The following CD22 variants were observed in gnomAD, a reference collection of about 807,000 sequenced individuals.
CD22 encodes B-cell receptor CD22.
CD22 carries 51 observed loss-of-function variants against 94.7 expected under a neutral mutation model. That is an observed-to-expected ratio of 0.54 (90% CI 0.43 to 0.68). CD22 has a LOEUF of 0.68. CD22 is among the 30% of genes least tolerant of loss of function. The probability of loss-of-function intolerance (pLI) is 0.00; values close to 1 mark genes in which losing one functional copy is unlikely to be tolerated. For synonymous variants in CD22, 424 were observed against 422.5 expected (o/e 1.00, Z -0.04); for missense variants, 931 against 1,060.4 (o/e 0.88, Z 1.69).
intron 6 of CD22, 49 bp from the exon 7 acceptor site, chr19:35,340,832 A>G (rs1599684840): frequency 6.2e-7 from 1 of 1,609,804 alleles, no homozygotes; most frequent in Non-Finnish European, 8.5e-7. Flanking sequence ...GGGAAGGGGT[A>G]CTGTGGACAG....
chr19:35,336,683 G>C (rs554029685), intron 4 of CD22: 7 of 277,200 alleles, frequency 2.5e-5, no homozygotes, highest in Non-Finnish European at 4.8e-5. Context: ...GCCTTATTAC[G>C]GCTGCCAATG....
intron 3 of CD22, among the ~76,000 whole-genome samples, chr19:35,335,798 C>T (rs531744432): frequency 8.4e-4 from 113 of 134,750 alleles, no homozygotes; most frequent in African/African-American, 3.1e-3. Context: ...GAGGTTACAG[C>T]GAGCCAAGAT....
At position 35,346,676 on chromosome 19, in the gene CD22, C is replaced by T. The variant is rs1475741200; in HGVS notation, c.2523C>T (p.Asp841=). ...GERPQAQENV[D]YVILKH ...GGCCTCAGGCACAAGAAAATGTGGACTATGTGATCCTCAAACATTGACACT... is the reference window on the plus strand; with the variant it reads ...GGCCTCAGGCACAAGAAAATGTGGATTATGTGATCCTCAAACATTGACACT... The change falls in exon 14 of 14, where the codon GAC becomes GAT. Residue 841 remains aspartate, a synonymous_variant. Transcript: ENST00000085219. The T allele has an allele frequency of 6.2e-7, 1 of 1,609,732 alleles. No individual in the cohort carries two copies. Among genetic ancestry groups the T allele is most frequent in the South Asian group, 1.1e-5 (1 of 90,186 alleles).
intron 1 of CD22, 142 bp from the exon 2 acceptor site, chr19:35,331,877 C>T: frequency 6.6e-7 from 1 of 1,519,302 alleles, no homozygotes; most frequent in South Asian, 1.3e-5. Context: ...GTGAGCATCC[C>T]AAATGCCACA....
At chr19:35,343,088 G>A (rs777634069) in intron 9 of CD22, among the ~76,000 whole-genome samples, 7 of 149,308 alleles carry the variant, frequency 4.7e-5, no homozygotes, top group Non-Finnish European at 8.9e-5. Context: ...GTGAGCCACC[G>A]CACCCGGCTG....
Position 35,341,987 on chromosome 19 carries a change from GTTC to G in CD22, c.2035+28_2035+30del, listed in dbSNP as rs1011000160. ...TACTGTAAGGCCTCTTCCTGCTCTT[GTTC>G]TTCTTGGTGGTGGTCAGTCCTTCCT... On this transcript the variant is annotated intron_variant, in intron 9 of 13. Transcript: ENST00000085219. The surrounding 1 kb of genome is among the most constrained non-coding windows in gnomAD (Gnocchi z 4.0). The G allele has an allele frequency of 6.3e-6, 10 of 1,588,780 alleles. No individual in the cohort carries two copies. In the Admixed American group the frequency reaches 1.6e-4, roughly 25 times the overall value.
At chr19:35,338,097 C>G in intron 5 of CD22, 71 bp from the exon 6 acceptor site, 1 of 1,572,834 alleles carries the variant, frequency 6.4e-7, no homozygotes, top group Non-Finnish European at 8.6e-7. Flanking sequence ...GCCACGGGGG[C>G]TCTCGGGGCC....
At chr19:35,331,105 T>G (rs2066639236) in intron 1 of CD22, 1 of 152,104 alleles carries the variant, frequency 6.6e-6, no homozygotes, top group Non-Finnish European at 1.5e-5. Context: ...GCATTTTGAG[T>G]AAAGATGGGG....
Position 35,345,603 on chromosome 19 carries a change from T to A in CD22, c.2210T>A (p.Val737Asp), listed in dbSNP as rs1046126245. ...ACTTCATCCTCGTCTCCCTCCCAGG[T>A]TAGAAGGGCCCCCCTCTCTGAAGGC... ...GQSFFVRNKK[V>D]RRAPLSEGPH... Residue 737 changes from valine (V) to aspartate (D), a missense_variant and splice_region_variant, in exon 12 of 14, where the codon GTT becomes GAT. By Grantham distance (152) the Val-to-Asp change is radical. Transcript: ENST00000085219. 4 of 1,592,116 alleles carry A rather than the reference T, an allele frequency of 2.5e-6. No homozygotes were observed. Among genetic ancestry groups the A allele is most frequent in the Non-Finnish European group, 3.4e-6 (4 of 1,160,436 alleles).
At chr19:35,329,560 A>C in intron 1 of CD22, 1 of 242,216 alleles carries the variant, frequency 4.1e-6, no homozygotes, top group Non-Finnish European at 8.7e-6. Context: ...CTCTGTGCAT[A>C]ATAACTGCTG....
At chr19:35,344,193 CTCAA>C (rs10564562) in intron 9 of CD22, among the ~76,000 whole-genome samples, 78,517 of 151,806 alleles carry the variant, frequency 0.52, 20,453 homozygotes, top group East Asian at 0.71. Flanking sequence ...GAGACTCTGT[CTCAA>C]TCAATCAATC....
rs2066722854 is a variant in CD22 at position 35,336,297 on chromosome 19, A to G, written c.674A>G (p.Asp225Gly). Residue 225 changes from aspartate to glycine, a missense_variant, in exon 4 of 14, where the codon GAT becomes GGT. By Grantham distance (94) the Asp-to-Gly change is moderately conservative. Transcript: ENST00000085219. ...KIVTCQLQDA[D>G]GKFLSNDTVQ... ...GTGACCTGCCAGCTTCAGGATGCAG[A>G]TGGGAAGTTCCTCTCCAATGACACG... 1.2e-6 allele frequency: 2 copies of G among 1,614,228 alleles called. No homozygotes were observed. Among genetic ancestry groups the G allele is most frequent in the Non-Finnish European group, 1.7e-6 (2 of 1,180,034 alleles).
rs1300774441 is a variant in CD22 at position 35,332,335 on chromosome 19, G to A, written c.35-212G>A. The A allele has an allele frequency of 2.8e-5, 18 of 643,124 alleles. No individual in the cohort carries two copies. The East Asian group carries it at 3.9e-4, about 14-fold the overall frequency. The allele number at this position is 643,124 out of a possible 1,614,324, so 39.8% of individuals were successfully genotyped here. A position where few individuals can be genotyped will look rare whatever the true frequency, so the allele number is the denominator to read the frequency against. On this transcript the variant is annotated intron_variant, in intron 2 of 13. Coordinates refer to ENST00000085219, the MANE Select transcript of CD22 (RefSeq NM_001771.4). ...TTAGTCTTTAGAAAGCTCTCTGCTG[G>A]GTGCAGTGGCTCATGCCTGAAATCT...
rs1259481834 is a variant in CD22, at chr19:35,337,882, T to C, written c.846T>C (p.Asp282=). The part of the protein sequence containing the change: ...PEYTTVSWLK[D]GTSLKKQNTF... ...ACACGACGGTATCCTGGCTCAAGGA[T>C]GGGACCTCGCTGAAGAAGCAGAATA... is the stretch of plus-strand genomic sequence containing the variant. The change falls in exon 5 of 14, where the codon GAT becomes GAC. Residue 282 remains aspartate, a synonymous_variant. Coordinates refer to ENST00000085219, the MANE Select transcript of CD22 (RefSeq NM_001771.4). The surrounding 1 kb of genome is among the most constrained non-coding windows in gnomAD (Gnocchi z 4.4). 4 of 1,614,204 alleles carry C rather than the reference T, an allele frequency of 2.5e-6. No homozygotes were observed. Among genetic ancestry groups the C allele is most frequent in the East Asian group, 4.5e-5 (2 of 44,888 alleles).
intron 6 of CD22, among the ~76,000 whole-genome samples, chr19:35,339,107 G>A (rs188376917): frequency 3.2e-4 from 49 of 152,188 alleles, no homozygotes; most frequent in African/African-American, 9.1e-4. Flanking sequence ...ATGGTGGTGC[G>A]TGCCTGTGGT....
rs754855449 is a variant in CD22, at chr19:35,341,940, G to A, written c.2010G>A (p.Ser670=). The stretch of plus-strand genomic sequence containing the variant: ...CCAACAGTGTGGGCAAGGGCCGTTC[G>A]CCTCTCAGCACCCTCACCGTCTACT... ...QGTNSVGKGR[S]PLSTLTVYYS... The change falls in exon 9 of 14, where the codon TCG becomes TCA. Residue 670 remains serine, a synonymous_variant. Transcript: ENST00000085219. The surrounding 1 kb of genome is among the most constrained non-coding windows in gnomAD (Gnocchi z 4.0). 3.7e-6 allele frequency: 6 copies of A among 1,613,350 alleles called. No homozygotes were observed. Among genetic ancestry groups the A allele is most frequent in the South Asian group, 1.1e-5 (1 of 91,012 alleles).
At chr19:35,338,506 G>T in intron 6 of CD22, 75 bp downstream of exon 6, 1 of 1,469,274 alleles carries the variant, frequency 6.8e-7, no homozygotes, top group Admixed American at 1.9e-5. Context: ...ATGGGGTGCA[G>T]GGCATTCCGG....
intron 1 of CD22, chr19:35,329,952 A>T (rs1243165670): frequency 6.6e-6 from 1 of 152,470 alleles, no homozygotes; most frequent in Middle Eastern, 3.4e-3. Context: ...AATGTATTAT[A>T]CTATACTCTA....
intron 4 of CD22, chr19:35,336,696 G>T (rs1436140257): frequency 7.3e-6 from 2 of 272,446 alleles, no homozygotes; most frequent in African/African-American, 2.2e-5. Flanking sequence ...TGCCAATGGG[G>T]GGCATGGGGC....
Sources: gnomAD v4.1 joint callset for allele counts (sites outside exome capture counted in the v4.1 genomes callset) on GRCh38, gnomAD v4.1.1 for gene constraint, Gnocchi (gnomAD v3.1) non-coding constraint, MANE v1.5 for transcripts, NCBI Gene and HGNC (gene_info 2026-07-23, HGNC 2026-07-21) for gene names.